GINS1: variants seen among roughly 807,000 people sequenced by gnomAD.
GINS1 encodes the protein GINS complex subunit 1.
A neutral mutation model predicts 34.9 loss-of-function variants in GINS1; 26 were observed. That is an observed-to-expected ratio of 0.74 (90% CI 0.55 to 1.03). The LOEUF is 1.03. GINS1 is among the 50% of genes least tolerant of loss of function. GINS1 has a pLI of 0.00. For synonymous variants in GINS1, 97 were observed against 84.4 expected (o/e 1.15, Z -0.82); for missense variants, 235 against 237.9 (o/e 0.99, Z 0.08).
Position 25,407,897 on chromosome 20 carries a change from T to A in GINS1, c.75+2T>A. The A allele has an allele frequency of 1.2e-6, 2 of 1,610,456 alleles. No homozygotes were observed. Among genetic ancestry groups the A allele is most frequent in the Non-Finnish European group, 1.7e-6 (2 of 1,176,852 alleles). ...GAAGGGCAACTGCCTGCCTTCAACG[T>A]GAGGGGCGGGTAGACTTGGACGGGG... On this transcript the variant is annotated splice_donor_variant, in intron 1 of 6. Coordinates refer to ENST00000262460, the MANE Select transcript of GINS1 (RefSeq NM_021067.5). LOFTEE classifies it high-confidence loss of function.
intron 5 of GINS1, among the ~76,000 whole-genome samples, chr20:25,428,969 C>CTTTTTTTTTTTTTTTTTT (rs77113924): frequency 3.1e-5 from 4 of 127,442 alleles, no homozygotes; most frequent in Admixed American, 8.0e-5. Flanking sequence ...ATTCCTCTCT[C>CTTTTTTTTTTTTTTTTTT]TTTTTTTTTT....
rs140236886 is a variant in GINS1, at chr20:25,414,286, C to T, written c.140+432C>T. On this transcript the variant is annotated intron_variant, in intron 2 of 6. Transcript: ENST00000262460. ...AAAATTATCTGTAAAATTATCTGCT[C>T]TAGCTGTACAAATTAGCAAAAGTCT... Among the ~76,000 whole-genome samples, 37 of 150,806 alleles carry T rather than the reference C, an allele frequency of 2.5e-4. 1 individual carries two copies. The East Asian group carries it at 7.1e-3, about 29-fold the overall frequency.
intron 5 of GINS1, among the ~76,000 whole-genome samples, chr20:25,425,749 A>G (rs960473455): frequency 6.6e-6 from 1 of 152,230 alleles, no homozygotes; most frequent in Non-Finnish European, 1.5e-5. Context: ...TGAAAGTAAA[A>G]AAAGCAAATG....
At chr20:25,422,289 T>C (rs1313717683) in intron 4 of GINS1, among the ~76,000 whole-genome samples, 6 of 152,004 alleles carry the variant, frequency 3.9e-5, no homozygotes, top group African/African-American at 1.4e-4. Flanking sequence ...AAAAATCTTA[T>C]TGCTCTGGAT....
At chr20:25,419,465 A>G (rs1175487264) in intron 4 of GINS1, among the ~76,000 whole-genome samples, 1 of 152,190 alleles carries the variant, frequency 6.6e-6, no homozygotes, top group Non-Finnish European at 1.5e-5. Context: ...TAAATGAGTA[A>G]TCTCTACCTC....
At chr20:25,436,506 T>C (rs2090455552) in intron 5 of GINS1, among the ~76,000 whole-genome samples, 1 of 152,168 alleles carries the variant, frequency 6.6e-6, no homozygotes, top group Non-Finnish European at 1.5e-5. Flanking sequence ...TCTTTTTTTA[T>C]TTTTGTTCTT....
At chr20:25,440,338 G>A (rs1399758622) in intron 5 of GINS1, among the ~76,000 whole-genome samples, 1 of 152,132 alleles carries the variant, frequency 6.6e-6, no homozygotes, top group African/African-American at 2.4e-5. Context: ...TTTTATAGAA[G>A]TAGACAATAG....
At chr20:25,429,089 A>G (rs1210701220) in intron 5 of GINS1, among the ~76,000 whole-genome samples, 1 of 146,004 alleles carries the variant, frequency 6.8e-6, no homozygotes, top group East Asian at 2.0e-4. Context: ...CCTGGGTTCA[A>G]GTGATTCTCC....
intron 4 of GINS1, among the ~76,000 whole-genome samples, chr20:25,420,342 C>T (rs1264923832): frequency 6.6e-6 from 1 of 150,842 alleles, no homozygotes; most frequent in Admixed American, 6.6e-5. Flanking sequence ...CTGTATTGGC[C>T]AGGCTGGTCC....
At chr20:25,413,630 A>T in intron 1 of GINS1, 160 bp from the exon 2 acceptor site, 1 of 598,906 alleles carries the variant, frequency 1.7e-6, no homozygotes, top group South Asian at 2.0e-5. Context: ...GTTTCTCCGC[A>T]TCTCACCAAC....
chr20:25,408,617 G>C (rs1184906031), intron 1 of GINS1, among the ~76,000 whole-genome samples: 1 of 152,124 alleles, frequency 6.6e-6, no homozygotes, highest in Non-Finnish European at 1.5e-5. Flanking sequence ...CAGCACTTTG[G>C]GAGGCTGAGG....
chr20:25,428,985 T>C (rs1351702863), intron 5 of GINS1, among the ~76,000 whole-genome samples: 7 of 15,712 alleles, frequency 4.5e-4, no homozygotes, highest in Admixed American at 2.6e-3. Context: ...TTTTTTTTTT[T>C]TTTTTTTTTT....
chr20:25,434,448 C>CTTTTCT (rs1555833467), intron 5 of GINS1, among the ~76,000 whole-genome samples: 9 of 149,220 alleles, frequency 6.0e-5, no homozygotes, highest in South Asian at 2.1e-4. Flanking sequence ...AATTTTTTTT[C>CTTTTCT]TTTTTTTTTT....
chr20:25,420,913 A>C (rs2090351548), intron 4 of GINS1: 1 of 981,812 alleles, frequency 1.0e-6, no homozygotes, highest in South Asian at 4.7e-5. Flanking sequence ...AGTAGACCAC[A>C]GACATCTCTG....
At chr20:25,420,873 T>A (rs979613358) in intron 4 of GINS1, 193 of 978,692 alleles carry the variant, frequency 2.0e-4, no homozygotes, top group Non-Finnish European at 2.0e-4. Flanking sequence ...CACTGAAGGA[T>A]GAGAAGAGAT....
chr20:25,417,569 C>T (rs1175551770), intron 3 of GINS1, among the ~76,000 whole-genome samples: 1 of 152,022 alleles, frequency 6.6e-6, no homozygotes, highest in African/African-American at 2.4e-5. Flanking sequence ...GAAATAAGGA[C>T]CTTTGGCCAG....
intron 6 of GINS1, among the ~76,000 whole-genome samples, chr20:25,443,478 T>TTC (rs1005694477): frequency 5.5e-5 from 8 of 146,416 alleles, no homozygotes; most frequent in Non-Finnish European, 7.5e-5. Flanking sequence ...TTGAATTTCT[T>TTC]TTTTTTTTTT....
At chr20:25,440,991 C>T (rs570005109) in intron 5 of GINS1, among the ~76,000 whole-genome samples, 20 of 152,176 alleles carry the variant, frequency 1.3e-4, no homozygotes, top group African/African-American at 3.1e-4. Flanking sequence ...TCGTTGCTGG[C>T]GTTGACTCTC....
intron 5 of GINS1, among the ~76,000 whole-genome samples, chr20:25,428,969 C>CTCTT (rs2090410211): frequency 1.6e-5 from 2 of 127,516 alleles, no homozygotes; most frequent in Non-Finnish European, 1.6e-5. Flanking sequence ...ATTCCTCTCT[C>CTCTT]TTTTTTTTTT....
Sources: gnomAD v4.1 joint callset for allele counts (sites outside exome capture counted in the v4.1 genomes callset) on GRCh38, gnomAD v4.1.1 for gene constraint, MANE v1.5 for transcripts, NCBI Gene and HGNC (gene_info 2026-07-23, HGNC 2026-07-21) for gene names.